The following NFATC1 variants were observed in gnomAD, a reference collection of about 807,000 sequenced individuals.
NFATC1 encodes nuclear factor of activated T cells 1, also known as nuclear factor of activated T-cells, cytoplasmic 1.
NFATC1 carries 22 observed loss-of-function variants against 76.0 expected under a neutral mutation model. The ratio of observed to expected loss-of-function variants is 0.29; its 90% CI spans 0.21 to 0.41. The LOEUF is 0.41. Among genes scored for constraint, NFATC1 ranks in the 10% least tolerant of loss-of-function variants. The probability of loss-of-function intolerance (pLI) is 1.00; values close to 1 mark genes in which losing one functional copy is unlikely to be tolerated. For missense variants in NFATC1, 1,357 were observed against 1,337.7 expected, an observed-to-expected ratio of 1.01 and a Z score of -0.23; for synonymous variants, 704 against 613.1, an observed-to-expected ratio of 1.15 and a Z score of -2.19.
intron 9 of NFATC1, among the ~76,000 whole-genome samples, chr18:79,490,813 C>T (rs2089657123): frequency 6.6e-6 from 1 of 152,166 alleles, no homozygotes; most frequent in Non-Finnish European, 1.5e-5. Context: ...CCCTCCCCTG[C>T]AGATGACCTC....
intron 7 of NFATC1, among the ~76,000 whole-genome samples, chr18:79,462,348 T>G (rs999573431): frequency 6.6e-6 from 1 of 152,302 alleles, no homozygotes; most frequent in South Asian, 2.1e-4. Context: ...TTGTTTTTGT[T>G]TTTTTGAAAC....
chr18:79,431,543 G>A (rs1012829988), intron 2 of NFATC1, among the ~76,000 whole-genome samples: 7 of 152,080 alleles, frequency 4.6e-5, no homozygotes, highest in African/African-American at 1.2e-4. Context: ...GCACCACCAC[G>A]TCCTGCTCAT....
Position 79,486,604 on chromosome 18 carries a change from C to A in NFATC1, c.2449C>A (p.Pro817Thr). ...CACGCACCCCGGCTCGCCCGGGCAG[C>A]CACCCCCGGCCCTGCTGCCACAGCA... ...VATHPGSPGQ[P>T]PPALLPQQVS... The change falls in exon 9 of 10, where the codon CCA (proline) becomes ACA (threonine). Residue 817 changes from proline to threonine, a missense_variant. Transcript: ENST00000427363. The A allele has an allele frequency of 1.3e-6, 2 of 1,591,766 alleles. No individual in the cohort carries two copies. Among genetic ancestry groups the A allele is most frequent in the South Asian group, 1.1e-5 (1 of 89,840 alleles).
chr18:79,405,456 G>A (rs1158021073), intron 1 of NFATC1, among the ~76,000 whole-genome samples: 1 of 152,218 alleles, frequency 6.6e-6, no homozygotes, highest in African/African-American at 2.4e-5. Flanking sequence ...ATGTAAATAT[G>A]ATCCCTTTGA....
intron 9 of NFATC1, chr18:79,493,759 C>T (rs1486499414): frequency 6.6e-6 from 1 of 152,262 alleles, no homozygotes; most frequent in Non-Finnish European, 1.5e-5. Flanking sequence ...TCGTTACCGT[C>T]GCAGACGGCG....
At chr18:79,454,707 T>C (rs1258506314) in intron 6 of NFATC1, among the ~76,000 whole-genome samples, 2 of 152,138 alleles carry the variant, frequency 1.3e-5, no homozygotes, top group Non-Finnish European at 2.9e-5. Flanking sequence ...CATTTTCCGA[T>C]GATGAAAATC....
At chr18:79,418,836 G>A (rs2085967398) in intron 2 of NFATC1, among the ~76,000 whole-genome samples, 2 of 152,192 alleles carry the variant, frequency 1.3e-5, no homozygotes, top group African/African-American at 2.4e-5. Context: ...TTTCTGATGG[G>A]AAGGACTGGT....
At chr18:79,429,564 G>T (rs772019842) in intron 2 of NFATC1, among the ~76,000 whole-genome samples, 4 of 152,130 alleles carry the variant, frequency 2.6e-5, no homozygotes, top group African/African-American at 9.7e-5. Context: ...CCCAGGCGTC[G>T]TCCCCCAGAA....
chr18:79,460,046 G>T (rs550801156), intron 6 of NFATC1, among the ~76,000 whole-genome samples: 3 of 152,198 alleles, frequency 2.0e-5, no homozygotes, highest in Non-Finnish European at 4.4e-5. Flanking sequence ...AGGAGAGAGG[G>T]ATGCCAGGCT....
rs1262816334 is a variant in NFATC1 at position 79,411,280 on chromosome 18, C to T, written c.1005C>T (p.Ser335=). Residue 335 remains serine (S), a synonymous_variant, in exon 2 of 10, where the codon TCC becomes TCT. Transcript: ENST00000427363. The part of the protein sequence containing the change: ...LDLGDGVPVK[S]RKTTLEQPPS... ...TGGGAGATGGCGTCCCTGTCAAGTC[C>T]CGCAAGACCACCCTGGAGCAGCCGC... is the stretch of plus-strand genomic sequence containing the variant. 4.4e-6 allele frequency: 7 copies of T among 1,603,418 alleles called. No individual in the cohort carries two copies. The highest frequency in any genetic ancestry group is 5.9e-6 in the Non-Finnish European group (7 of 1,179,648).
chr18:79,467,302 AAC>A, intron 7 of NFATC1, 146 bp from the exon 8 acceptor site: 1 of 720,366 alleles, frequency 1.4e-6, no homozygotes, highest in African/African-American at 2.6e-5. Flanking sequence ...CTGCCGTGGA[AAC>A]GCGGGGTTGC....
At chr18:79,450,531 G>T (rs991602520) in intron 4 of NFATC1, among the ~76,000 whole-genome samples, 1 of 152,008 alleles carries the variant, frequency 6.6e-6, no homozygotes, top group African/African-American at 2.4e-5. Context: ...AACAGCAGGT[G>T]CCTCTGGCCC....
At chr18:79,486,091 C>G (rs1418517208) in intron 8 of NFATC1, among the ~76,000 whole-genome samples, 157 bp from the exon 9 acceptor site, 1 of 144,332 alleles carries the variant, frequency 6.9e-6, no homozygotes, top group Non-Finnish European at 1.5e-5. Flanking sequence ...CGATGACTCA[C>G]GCCTTTTTTT....
intron 9 of NFATC1, among the ~76,000 whole-genome samples, chr18:79,511,132 T>TGCCGC (rs2090239668): frequency 6.6e-6 from 1 of 152,240 alleles, no homozygotes; most frequent in South Asian, 2.1e-4. Flanking sequence ...ATGGCCTTCC[T>TGCCGC]GCCGCACCGC....
chr18:79,468,474 A>G (rs1014958219), intron 8 of NFATC1: 11 of 152,246 alleles, frequency 7.2e-5, no homozygotes, highest in Admixed American at 1.3e-4. Context: ...GCTAACATCA[A>G]TAATCTTTTT....
chr18:79,490,619 T>G (rs910072128), intron 9 of NFATC1, among the ~76,000 whole-genome samples: 13 of 152,152 alleles, frequency 8.5e-5, no homozygotes, highest in African/African-American at 3.1e-4. Flanking sequence ...ATTCAAATGT[T>G]TATTGCTCTG....
chr18:79,452,155 CAG>C (rs2087503318), intron 6 of NFATC1: 2 of 197,190 alleles, frequency 1.0e-5, no homozygotes, highest in East Asian at 1.3e-4. Context: ...CCTCCATCTG[CAG>C]AGAGTGGACG....
At chr18:79,427,121 CA>C (rs1213150120) in intron 2 of NFATC1, among the ~76,000 whole-genome samples, 2 of 152,126 alleles carry the variant, frequency 1.3e-5, no homozygotes, top group African/African-American at 4.8e-5. Context: ...TGCGTCTTGG[CA>C]GGGGGGCCCG....
At chr18:79,521,436 C>A (rs1354505470) in intron 9 of NFATC1, among the ~76,000 whole-genome samples, 3 of 49,248 alleles carry the variant, frequency 6.1e-5, no homozygotes, top group Non-Finnish European at 1.1e-4. Flanking sequence ...ATGTGTGTGT[C>A]TGTGTGTGTG....
Sources: gnomAD v4.1 joint callset for allele counts (sites outside exome capture counted in the v4.1 genomes callset) on GRCh38, gnomAD v4.1.1 for gene constraint, MANE v1.5 for transcripts, NCBI Gene and HGNC (gene_info 2026-07-23, HGNC 2026-07-21) for gene names.